Variants in CEP104 observed in about 807,000 individuals in gnomAD.
The protein encoded by CEP104 is centrosomal protein of 104 kDa.
CEP104 carries 84 observed loss-of-function variants against 113.3 expected under a neutral mutation model. The ratio of observed to expected loss-of-function variants is 0.74; its 90% CI spans 0.62 to 0.89. CEP104 has a LOEUF of 0.89. Among genes scored for constraint, CEP104 ranks in the 40% least tolerant of loss-of-function variants. CEP104 has a pLI of 0.00. For synonymous variants in CEP104, 378 were observed against 421.7 expected, an observed-to-expected ratio of 0.90 and a Z score of 1.27; for missense variants, 1,053 against 1,156.6, an observed-to-expected ratio of 0.91 and a Z score of 1.30.
In CEP104 at chr1:3,830,949, T is replaced by G. The variant is rs748928464; in HGVS notation, c.1836+97A>C. The G allele has an allele frequency of 1.4e-4, 183 of 1,269,068 alleles. No homozygotes were observed. In the Middle Eastern group the frequency reaches 1.7e-3, roughly 12 times the overall value. The allele number at this position is 1,269,068 out of a possible 1,614,324, so 78.6% of individuals were successfully genotyped here. ...TATTTTTCTGAAATCACTGCCTCAGTCATTCCTTCAACAAATGCCGATGAG... is the reference window on the plus strand; with the variant it reads ...TATTTTTCTGAAATCACTGCCTCAGGCATTCCTTCAACAAATGCCGATGAG... On this transcript the variant is annotated intron_variant, in intron 13 of 21. Coordinates refer to ENST00000378230, the MANE Select transcript of CEP104 (RefSeq NM_014704.4).
intron 20 of CEP104, among the ~76,000 whole-genome samples, chr1:3,820,168 AC>A (rs2124636691): frequency 6.6e-6 from 1 of 152,328 alleles, no homozygotes; most frequent in South Asian, 2.1e-4. Context: ...CCTTACAGGT[AC>A]TACCTGTAAG....
chr1:3,824,443 T>C (rs1422259340), intron 18 of CEP104, among the ~76,000 whole-genome samples: 1 of 152,148 alleles, frequency 6.6e-6, no homozygotes, highest in Non-Finnish European at 1.5e-5. Flanking sequence ...GAAGACTTGT[T>C]ACACAGGACA....
intron 6 of CEP104, 70 bp from the exon 7 acceptor site, chr1:3,839,846 T>C: frequency 7.9e-7 from 1 of 1,257,982 alleles, no homozygotes; most frequent in South Asian, 1.4e-5. Flanking sequence ...AGATGCACGG[T>C]TGAGAAGATG....
chr1:3,856,265 C>T (rs1451893847), intron 1 of CEP104, among the ~76,000 whole-genome samples: 1 of 152,080 alleles, frequency 6.6e-6, no homozygotes, highest in East Asian at 1.9e-4. Flanking sequence ...AAAAATTAGT[C>T]GGGCTACTCG....
rs1197412379 is a variant in CEP104, at chr1:3,816,294, G to A, written c.2648C>T (p.Pro883Leu). 12 of 1,552,034 alleles carry A rather than the reference G, an allele frequency of 7.7e-6. No individual in the cohort carries two copies. Among genetic ancestry groups the A allele is most frequent in the East Asian group, 7.3e-5 (3 of 41,030 alleles). Residue 883 changes from proline to leucine, a missense_variant, in exon 21 of 22, where the codon CCG becomes CTG. Pro to Leu is a moderately conservative substitution (Grantham distance 98). Coordinates refer to ENST00000378230, the MANE Select transcript of CEP104 (RefSeq NM_014704.4). ...LRKTHILQKA[P>L]ALQPGKSSAV... The stretch of plus-strand genomic sequence containing the variant: ...CTGTCCCTCACCTGGCTGCAGTGCC[G>A]GGGCCTTCTGCAGAATGTGTGTCTT...
chr1:3,816,563 TACAACTCAGGAAGCAAGAAGTC>T, intron 20 of CEP104, 193 bp from the exon 21 acceptor site: 3 of 519,224 alleles, frequency 5.8e-6, no homozygotes, highest in South Asian at 2.6e-5. Context: ...CTGTGCAGGG[TACAACTCAGGAAGCAAGAAGTC>T]CTGTCACCAG....
Position 3,848,678 on chromosome 1 carries a change from C to G in CEP104, c.217G>C (p.Glu73Gln). ...AHQYMISSKIEFYISESLPEY... is the reference protein window; with the variant it reads ...AHQYMISSKIQFYISESLPEY... Reference sequence around the variant, plus strand: ...GGCAAGCTTTCACTAATGTAGAACTCAATTTTACTTGAAATCATATACTGG... The same window carrying G: ...GGCAAGCTTTCACTAATGTAGAACTGAATTTTACTTGAAATCATATACTGG... The change falls in exon 3 of 22, where the codon GAG becomes CAG. Residue 73 changes from glutamate to glutamine, a missense_variant. Transcript: ENST00000378230. 6.2e-7 allele frequency: 1 copy of G among 1,613,918 alleles called. No homozygotes were observed. Among genetic ancestry groups the G allele is most frequent in the Non-Finnish European group, 8.5e-7 (1 of 1,179,944 alleles).
intron 11 of CEP104, 62 bp from the exon 12 acceptor site, chr1:3,834,097 T>C (rs1169878637): frequency 1.5e-6 from 2 of 1,299,434 alleles, no homozygotes; most frequent in East Asian, 4.6e-5. Flanking sequence ...AGAGGAAACA[T>C]GGCATTTACT....
At chr1:3,831,294 A>C in intron 12 of CEP104, 72 bp from the exon 13 acceptor site, 1 of 1,345,732 alleles carries the variant, frequency 7.4e-7, no homozygotes, top group Non-Finnish European at 1.0e-6. Context: ...ATTCAGCATG[A>C]TCTTAAACTA....
intron 20 of CEP104, among the ~76,000 whole-genome samples, chr1:3,820,554 A>G (rs1039720641): frequency 4.3e-4 from 16 of 37,232 alleles, no homozygotes; most frequent in African/African-American, 3.7e-3. Context: ...GCCTCTGTCC[A>G]GGGTTCTTCC....
At chr1:3,849,076 G>C (rs2124694403) in intron 2 of CEP104, among the ~76,000 whole-genome samples, 1 of 152,256 alleles carries the variant, frequency 6.6e-6, no homozygotes, top group Non-Finnish European at 1.5e-5. Context: ...TTTTTCATAA[G>C]ATAAATCAAT....
intron 12 of CEP104, 81 bp downstream of exon 12, chr1:3,833,781 G>A (rs752676959): frequency 5.3e-6 from 7 of 1,324,288 alleles, no homozygotes; most frequent in Non-Finnish European, 7.5e-6. Flanking sequence ...ACAGAATCTT[G>A]TAAAAGGTGT....
chr1:3,848,547 A>AT, intron 3 of CEP104, 61 bp downstream of exon 3: 1 of 1,390,904 alleles, frequency 7.2e-7, no homozygotes, highest in East Asian at 2.3e-5. Context: ...AAAAAAAAAA[A>AT]GAGCTTTCAG....
intron 13 of CEP104, among the ~76,000 whole-genome samples, chr1:3,830,841 A>T (rs1349646600): frequency 6.6e-6 from 1 of 151,912 alleles, no homozygotes; most frequent in African/African-American, 2.4e-5. Flanking sequence ...ACAGATAAAG[A>T]TCTGCACACA....
chr1:3,825,927 G>T, intron 17 of CEP104, 61 bp from the exon 18 acceptor site: 2 of 1,108,548 alleles, frequency 1.8e-6, no homozygotes, highest in Non-Finnish European at 2.8e-6. Context: ...TGGCCGTTCC[G>T]CTCCCACGTC....
rs1553158442 is a variant in CEP104 at position 3,813,265 on chromosome 1, T to TTC, written c.*2136_*2137insGA. On this transcript the variant is annotated 3_prime_UTR_variant, in exon 22 of 22. Transcript: ENST00000378230. Reference sequence around the variant, plus strand: ...TTTCTCTCCTTATACTTTTTTTTTTTTTCGAGACGGAGTCTCGCTCTGTCG... The same window carrying TTC: ...TTTCTCTCCTTATACTTTTTTTTTTTTCTTCGAGACGGAGTCTCGCTCTGTCG... 6.8e-6 allele frequency: 1 copy of TTC among 146,606 alleles called. No individual in the cohort carries two copies. The highest frequency in any genetic ancestry group is 2.6e-5 in the African/African-American group (1 of 38,488). 9.1% of individuals were successfully genotyped at this position (146,606 alleles called of 1,614,324 possible). A position where few individuals can be genotyped will look rare whatever the true frequency, so the allele number is the denominator to read the frequency against.
At chr1:3,849,542 C>A (rs1644573026) in intron 2 of CEP104, among the ~76,000 whole-genome samples, 1 of 152,154 alleles carries the variant, frequency 6.6e-6, no homozygotes, top group African/African-American at 2.4e-5. Flanking sequence ...AAAAGTAACA[C>A]AACGTATTAA....
chr1:3,819,708 C>T lies in CEP104; in HGVS notation c.2572-3338G>A, dbSNP rs1382088187. Among the ~76,000 whole-genome samples the T allele has an allele frequency of 6.6e-6, 1 of 152,218 alleles. No individual in the cohort carries two copies. The highest frequency in any genetic ancestry group is 1.5e-5 in the Non-Finnish European group (1 of 68,048). ...CACAGAAGATTGAGCAGTCTTCACA[C>T]TCACGAGCCTGCAGGCAGGAGAGAA... On this transcript the variant is annotated intron_variant, in intron 20 of 21. Coordinates refer to ENST00000378230, the MANE Select transcript of CEP104 (RefSeq NM_014704.4). This position sits in a 1 kb window ranked among gnomAD's most constrained non-coding sequence, Gnocchi z 4.6.
Position 3,839,029 on chromosome 1 carries a change from TCTG to T in CEP104, c.823_825del (p.Gln275del). On this transcript the variant is annotated inframe_deletion, in exon 8 of 22. Coordinates refer to ENST00000378230, the MANE Select transcript of CEP104 (RefSeq NM_014704.4). ...TACACCTCGGCACGATACTGCTCCATCTGCTGCTTCTTCTCCTTGGCGAGATCG... is the reference window on the plus strand; with the variant it reads ...TACACCTCGGCACGATACTGCTCCATCTGCTTCTTCTCCTTGGCGAGATCG... 3.7e-6 allele frequency: 6 copies of T among 1,614,140 alleles called. No homozygotes were observed. Among genetic ancestry groups the T allele is most frequent in the Non-Finnish European group, 4.2e-6 (5 of 1,180,030 alleles).
Sources: gnomAD v4.1 joint callset for allele counts (sites outside exome capture counted in the v4.1 genomes callset) on GRCh38, gnomAD v4.1.1 for gene constraint, Gnocchi (gnomAD v3.1) non-coding constraint, MANE v1.5 for transcripts, NCBI Gene and HGNC (gene_info 2026-07-23, HGNC 2026-07-21) for gene names.